Variants in MLPH observed in about 807,000 individuals in gnomAD.
MLPH encodes melanophilin, also known as exophilin-3.
In MLPH, 51 loss-of-function variants were observed where a neutral mutation model predicts 72.1. That is an observed-to-expected ratio of 0.71 (90% CI 0.56 to 0.89). MLPH has a LOEUF of 0.89. Among genes scored for constraint, MLPH ranks in the 40% least tolerant of loss-of-function variants. MLPH has a pLI of 0.00. For missense variants in MLPH, 743 were observed against 759.9 expected (o/e 0.98, Z 0.26); for synonymous variants, 301 against 310.1 (o/e 0.97, Z 0.31).
intron 14 of MLPH, 105 bp from the exon 15 acceptor site, chr2:237,552,232 T>C (rs1233026612): frequency 2.4e-6 from 2 of 818,950 alleles, no homozygotes; most frequent in Non-Finnish European, 4.2e-6. Flanking sequence ...AAAGGGGATA[T>C]GTCCATTTTT....
At chr2:237,488,163 CT>C (rs2079357336) in intron 1 of MLPH, among the ~76,000 whole-genome samples, 1 of 152,106 alleles carries the variant, frequency 6.6e-6, no homozygotes, top group Admixed American at 6.5e-5. Flanking sequence ...GGGACAGGTC[CT>C]TTTTTAGATG....
chr2:237,540,689 C>T, intron 10 of MLPH, 113 bp from the exon 11 acceptor site: 5 of 1,528,852 alleles, frequency 3.3e-6, no homozygotes, highest in Non-Finnish European at 3.6e-6. Context: ...CGGCTCCTGA[C>T]CAACCAGCTC....
At position 237,541,095 on chromosome 2, in the gene MLPH, G is replaced by A. The variant is rs1350314056; in HGVS notation, c.1446+138G>A. 1 of 1,204,688 alleles carries A rather than the reference G, an allele frequency of 8.3e-7. No individual in the cohort carries two copies. The highest frequency in any genetic ancestry group is 1.2e-6 in the Non-Finnish European group (1 of 835,868). The allele number at this position is 1,204,688 out of a possible 1,614,324, so 74.6% of individuals were successfully genotyped here. A position where few individuals can be genotyped will look rare whatever the true frequency, so the allele number is the denominator to read the frequency against. ...CCATTGGCCCAGCATGCACGGCTCT[G>A]AAGGCCAGGCATGAACCTGGGGGTT... is the stretch of plus-strand genomic sequence containing the variant. On this transcript the variant is annotated intron_variant, in intron 11 of 15. Coordinates refer to ENST00000264605, the MANE Select transcript of MLPH (RefSeq NM_024101.7). This position sits in a 1 kb window ranked among gnomAD's most constrained non-coding sequence, Gnocchi z 5.1.
chr2:237,546,554 TC>T (rs2080922058), intron 12 of MLPH, 51 bp from the exon 13 acceptor site: 2 of 1,517,630 alleles, frequency 1.3e-6, no homozygotes, highest in Non-Finnish European at 1.8e-6. Context: ...CCCATGCTCC[TC>T]CCTGTGGCTG....
intron 1 of MLPH, among the ~76,000 whole-genome samples, chr2:237,489,571 A>G (rs923558427): frequency 3.3e-5 from 5 of 152,232 alleles, no homozygotes; most frequent in African/African-American, 4.8e-5. Flanking sequence ...CAAAGGATTA[A>G]GGCAGAGGGC....
intron 2 of MLPH, among the ~76,000 whole-genome samples, chr2:237,507,714 C>T (rs1237510287): frequency 2.6e-5 from 4 of 152,166 alleles, no homozygotes; most frequent in Non-Finnish European, 4.4e-5. Context: ...ATATGTTTTC[C>T]AGAATTCTAC....
At chr2:237,519,749 T>A (rs2080136605) in intron 5 of MLPH, among the ~76,000 whole-genome samples, 161 bp from the exon 6 acceptor site, 1 of 152,154 alleles carries the variant, frequency 6.6e-6, no homozygotes, top group Non-Finnish European at 1.5e-5. Context: ...CCCTCTGGGC[T>A]TGGTCAGGTT....
chr2:237,532,445 C>T (rs868520556), intron 8 of MLPH, among the ~76,000 whole-genome samples: 9 of 152,204 alleles, frequency 5.9e-5, no homozygotes, highest in Non-Finnish European at 1.2e-4. Context: ...GGAGAGGAAA[C>T]GGCCCTGGCA....
At chr2:237,517,595 G>C (rs982120263) in intron 4 of MLPH, among the ~76,000 whole-genome samples, 1 of 151,322 alleles carries the variant, frequency 6.6e-6, no homozygotes, top group Admixed American at 6.6e-5. Context: ...GGATGAAGTC[G>C]GGAGGGATGA....
intron 6 of MLPH, among the ~76,000 whole-genome samples, chr2:237,523,472 A>G (rs2080233304): frequency 6.6e-6 from 1 of 152,232 alleles, no homozygotes; most frequent in African/African-American, 2.4e-5. Context: ...GTTGTTAGAC[A>G]CAGGGGCATG....
At chr2:237,522,931 C>T (rs898485689) in intron 6 of MLPH, among the ~76,000 whole-genome samples, 2 of 152,138 alleles carry the variant, frequency 1.3e-5, no homozygotes, top group Non-Finnish European at 2.9e-5. Flanking sequence ...GCTGTACCAT[C>T]AGCCGATTAG....
At chr2:237,493,920 C>A (rs1287701794) in intron 2 of MLPH, among the ~76,000 whole-genome samples, 2 of 152,092 alleles carry the variant, frequency 1.3e-5, no homozygotes, top group African/African-American at 4.8e-5. Flanking sequence ...GCTGCCCTTC[C>A]ACCTCTCTTT....
Position 237,511,160 on chromosome 2 carries a change from CA to C in MLPH, c.445+60del. 2.2e-6 allele frequency: 3 copies of C among 1,394,262 alleles called. No homozygotes were observed. In the South Asian group the frequency reaches 3.5e-5, roughly 16 times the overall value. 86.4% of individuals were successfully genotyped at this position (1,394,262 alleles called of 1,614,324 possible). A position where few individuals can be genotyped will look rare whatever the true frequency, so the allele number is the denominator to read the frequency against. On this transcript the variant is annotated intron_variant, in intron 4 of 15. Transcript: ENST00000264605. ...CCCAGGCATTTTAGGAATATTAAAG[CA>C]GGTTCCTTTGGAGTGTGCATGTGTG...
intron 12 of MLPH, among the ~76,000 whole-genome samples, chr2:237,543,473 GGGGGCACGGTAGTGACT>G (rs1574902938): frequency 3.9e-5 from 1 of 25,500 alleles, no homozygotes; most frequent in East Asian, 1.3e-3. Flanking sequence ...AGTGGTGAGT[GGGGGCACGGTAGTGACT>G]GGGGCGACAG....
At chr2:237,518,012 T>C (rs2080088363) in intron 4 of MLPH, 1 of 238,438 alleles carries the variant, frequency 4.2e-6, no homozygotes, top group Non-Finnish European at 8.1e-6. Context: ...GGTGGGTGCA[T>C]GGATGAAGGA....
Position 237,510,929 on chromosome 2 carries a change from T to C in MLPH, c.333-60T>C. The C allele has an allele frequency of 1.3e-6, 2 of 1,504,544 alleles. No individual in the cohort carries two copies. The highest frequency in any genetic ancestry group is 1.8e-6 in the Non-Finnish European group (2 of 1,089,664). 93.2% of individuals were successfully genotyped at this position (1,504,544 alleles called of 1,614,324 possible). On this transcript the variant is annotated intron_variant, in intron 3 of 15. Transcript: ENST00000264605. The surrounding 1 kb of genome is among the most constrained non-coding windows in gnomAD (Gnocchi z 4.4). ...TGTGTGTGTGTGTGTGTGTGTGAGA[T>C]TTATGCAGGCCTGTGTACAGCACTC... is the stretch of plus-strand genomic sequence containing the variant.
chr2:237,518,430 A>T (rs1356366269), intron 4 of MLPH, 109 bp from the exon 5 acceptor site: 2 of 851,618 alleles, frequency 2.3e-6, no homozygotes, highest in South Asian at 2.9e-5. Context: ...GGAGGGAGGG[A>T]TGGGCAGGTA....
At position 237,526,459 on chromosome 2, in the gene MLPH, C is replaced by T. The variant is rs185934444; in HGVS notation, c.880+654C>T. 3.3e-5 allele frequency among the ~76,000 whole-genome samples: 5 copies of T among 152,194 alleles called. 1 individual carries two copies. The highest frequency in any genetic ancestry group is 7.2e-5 in the African/African-American group (3 of 41,536). On this transcript the variant is annotated intron_variant, in intron 7 of 15. Coordinates refer to ENST00000264605, the MANE Select transcript of MLPH (RefSeq NM_024101.7). The stretch of plus-strand genomic sequence containing the variant: ...TCCCTCTTCGTTGTATTGAAGGGGC[C>T]GTAATCTCATGCTGACGGGGACCTT...
chr2:237,499,037 G>T (rs72620831), intron 2 of MLPH, among the ~76,000 whole-genome samples: 1 of 151,638 alleles, frequency 6.6e-6, no homozygotes, highest in Non-Finnish European at 1.5e-5. Context: ...TCTTTTTCCC[G>T]CTGGCCCATT....
Sources: gnomAD v4.1 joint callset for allele counts (sites outside exome capture counted in the v4.1 genomes callset) on GRCh38, gnomAD v4.1.1 for gene constraint, Gnocchi (gnomAD v3.1) non-coding constraint, MANE v1.5 for transcripts, NCBI Gene and HGNC (gene_info 2026-07-23, HGNC 2026-07-21) for gene names.